The following ADAM2 variants were observed in gnomAD, a reference collection of about 807,000 sequenced individuals.
ADAM2 encodes ADAM metallopeptidase domain 2.
In ADAM2, 101 loss-of-function variants were observed where a neutral mutation model predicts 99.3. The ratio of observed to expected loss-of-function variants is 1.02; its 90% confidence interval spans 0.87 to 1.20. The LOEUF (loss-of-function observed/expected upper bound fraction) is 1.20. Ranked by LOEUF, ADAM2 falls within the 50% of genes most tolerant of loss-of-function variation. The probability of loss-of-function intolerance (pLI) is 0.00; values close to 1 mark genes in which losing one functional copy is unlikely to be tolerated. For missense variants in ADAM2, 948 were observed against 878.7 expected (o/e 1.08, Z -1.00); for synonymous variants, 323 against 287.6 (o/e 1.12, Z -1.25).
chr8:39,826,354 C>A (rs943757497), intron 3 of ADAM2, among the ~76,000 whole-genome samples: 3 of 152,138 alleles, frequency 2.0e-5, no homozygotes, highest in Non-Finnish European at 4.4e-5. Context: ...ACAGTCCCTT[C>A]AATGAAATCA....
intron 14 of ADAM2, among the ~76,000 whole-genome samples, chr8:39,762,968 G>T (rs1335954986): frequency 6.6e-6 from 1 of 152,056 alleles, no homozygotes; most frequent in East Asian, 1.9e-4. Context: ...ATAAACAAAG[G>T]GGTCGGTGAT....
In ADAM2 at chr8:39,824,879, A is replaced by T. The variant is rs1313673503; in HGVS notation, c.207T>A (p.Asn69Lys). 6.5e-7 allele frequency: 1 copy of T among 1,526,856 alleles called. No homozygotes were observed. Among genetic ancestry groups the T allele is most frequent in the Non-Finnish European group, 9.0e-7 (1 of 1,109,160 alleles). 94.6% of individuals were successfully genotyped at this position (1,526,856 alleles called of 1,614,324 possible). Residue 69 changes from asparagine (N) to lysine (K), a missense_variant, in exon 4 of 21, where the codon AAT becomes AAA. Transcript: ENST00000265708. ...TGCCACTATAACTGTAAACTCTAAA[A>T]TTATGGGGTAAAAAGTTTCTGTAAC... ...NLMQKNFLPHNFRVYSYSGTG... is the reference protein window; with the variant it reads ...NLMQKNFLPHKFRVYSYSGTG...
intron 10 of ADAM2, among the ~76,000 whole-genome samples, chr8:39,784,112 G>C (rs567261135): frequency 5.3e-5 from 8 of 152,254 alleles, no homozygotes; most frequent in African/African-American, 1.9e-4. Context: ...TGCAGGATTA[G>C]GTAGAAAGGG....
chr8:39,766,541 G>C (rs914033397), intron 14 of ADAM2, among the ~76,000 whole-genome samples: 6 of 151,324 alleles, frequency 4.0e-5, no homozygotes, highest in Non-Finnish European at 7.4e-5. Flanking sequence ...CTGAGTAGCT[G>C]GGATTACAGG....
At position 39,831,943 on chromosome 8, in the gene ADAM2, T is replaced by G. The variant is rs190122190; in HGVS notation, c.188+2001A>C. 1.8e-4 allele frequency among the ~76,000 whole-genome samples: 28 copies of G among 152,208 alleles called. 1 individual carries two copies. The highest frequency in any genetic ancestry group is 6.7e-4 in the African/African-American group (28 of 41,508). ...AATTAAACTTAAAAATTGATAAGAA[T>G]CTCCATGATTCATGCAAGGATGTTA... On this transcript the variant is annotated intron_variant, in intron 3 of 20. Coordinates refer to ENST00000265708, the MANE Select transcript of ADAM2 (RefSeq NM_001464.5).
At chr8:39,771,041 A>G (rs1333017674) in intron 11 of ADAM2, among the ~76,000 whole-genome samples, 1 of 152,192 alleles carries the variant, frequency 6.6e-6, no homozygotes, top group Non-Finnish European at 1.5e-5. Flanking sequence ...AAATTCACCT[A>G]TAGTTACTCA....
chr8:39,784,770 C>G (rs1803388377), intron 10 of ADAM2, among the ~76,000 whole-genome samples: 2 of 152,148 alleles, frequency 1.3e-5, no homozygotes, highest in South Asian at 4.1e-4. Context: ...AAGTCACATT[C>G]TCCAAACTTG....
chr8:39,752,573 G>T (rs935491073), intron 16 of ADAM2, among the ~76,000 whole-genome samples: 1 of 152,186 alleles, frequency 6.6e-6, no homozygotes, highest in Non-Finnish European at 1.5e-5. Context: ...ATCTCAGATG[G>T]AAAGAAGCAG....
At chr8:39,788,321 AAAC>A in intron 8 of ADAM2, 70 bp from the exon 9 acceptor site, 3 of 980,280 alleles carry the variant, frequency 3.1e-6, no homozygotes, top group Non-Finnish European at 4.3e-6. Flanking sequence ...ATATGTTTGA[AAAC>A]AAATTTATGA....
In ADAM2 at chr8:39,766,273, G is replaced by A. The variant is rs189483608; in HGVS notation, c.1507+575C>T. 7.2e-5 allele frequency among the ~76,000 whole-genome samples: 11 copies of A among 152,226 alleles called. No homozygotes were observed. The East Asian group carries it at 2.1e-3, about 29-fold the overall frequency. On this transcript the variant is annotated intron_variant, in intron 14 of 20. Coordinates refer to ENST00000265708, the MANE Select transcript of ADAM2 (RefSeq NM_001464.5). ...GGGATGGATATGAAGTAAAAGTATA[G>A]TTTGTGTTCTCTCTACTTTCTTCCT...
intron 4 of ADAM2, among the ~76,000 whole-genome samples, chr8:39,822,230 T>C (rs1290137986): frequency 6.6e-6 from 1 of 152,178 alleles, no homozygotes; most frequent in Non-Finnish European, 1.5e-5. Context: ...CTTTATATAA[T>C]GAAGGTAAAA....
chr8:39,820,271 T>C (rs1805122540), intron 6 of ADAM2, among the ~76,000 whole-genome samples: 3 of 152,166 alleles, frequency 2.0e-5, no homozygotes, highest in Admixed American at 6.6e-5. Context: ...CAAAAGCTTC[T>C]TTGTGTGTCT....
intron 7 of ADAM2, among the ~76,000 whole-genome samples, chr8:39,791,645 T>C (rs1410811826): frequency 1.3e-5 from 2 of 152,072 alleles, no homozygotes; most frequent in Non-Finnish European, 2.9e-5. Context: ...TCTCTGATAC[T>C]TTTGGCTTTC....
At chr8:39,821,799 A>T in intron 4 of ADAM2, 137 bp from the exon 5 acceptor site, 1 of 613,590 alleles carries the variant, frequency 1.6e-6, no homozygotes, top group Non-Finnish European at 2.8e-6. Flanking sequence ...TAATGTTATT[A>T]GATGAGCATA....
intron 7 of ADAM2, among the ~76,000 whole-genome samples, chr8:39,801,018 T>C (rs1308703830): frequency 1.3e-5 from 2 of 152,200 alleles, no homozygotes; most frequent in African/African-American, 4.8e-5. Context: ...TTCTGTCAAT[T>C]ACTCCATATG....
At chr8:39,814,900 G>C (rs1010391622) in intron 6 of ADAM2, among the ~76,000 whole-genome samples, 3 of 151,246 alleles carry the variant, frequency 2.0e-5, no homozygotes, top group African/African-American at 4.9e-5. Flanking sequence ...AGATATAACA[G>C]AGCAAATATC....
At chr8:39,785,351 A>T (rs2129585166) in intron 10 of ADAM2, among the ~76,000 whole-genome samples, 1 of 152,316 alleles carries the variant, frequency 6.6e-6, no homozygotes, top group East Asian at 1.9e-4. Context: ...GGCTCTTATT[A>T]CAAAATAAAA....
intron 6 of ADAM2, among the ~76,000 whole-genome samples, chr8:39,816,253 C>T (rs1037539803): frequency 3.3e-5 from 5 of 152,010 alleles, no homozygotes; most frequent in East Asian, 1.9e-4. Context: ...GCAGAGATCA[C>T]GCCATTGCAC....
In ADAM2 at chr8:39,803,227, G is replaced by A. The variant is rs188745078; in HGVS notation, c.570+6183C>T. On this transcript the variant is annotated intron_variant, in intron 7 of 20. Coordinates refer to ENST00000265708, the MANE Select transcript of ADAM2 (RefSeq NM_001464.5). ...AAACCGCTCGGTATCACTGAGTCTG[G>A]CAAAAGGTGGAAACTTAAAGAAAAC... is the stretch of plus-strand genomic sequence containing the variant. 9.0e-4 allele frequency among the ~76,000 whole-genome samples: 137 copies of A among 152,240 alleles called. 1 individual carries two copies. The highest frequency in any genetic ancestry group is 1.7e-3 in the Non-Finnish European group (113 of 68,016).
Sources: allele counts gnomAD v4.1 joint callset (sites outside exome capture counted in the v4.1 genomes callset), GRCh38; gene constraint gnomAD v4.1.1; transcripts MANE v1.5; gene names NCBI Gene and HGNC (gene_info 2026-07-23, HGNC 2026-07-21).